Variants in EPB42 observed in about 807,000 individuals in gnomAD.
EPB42 encodes the protein protein 4.2.
Under a neutral mutation model 76.9 loss-of-function variants are expected in EPB42, and 49 were observed. The ratio of observed to expected loss-of-function variants is 0.64; its 90% CI spans 0.51 to 0.81. EPB42 has a LOEUF of 0.81. Among genes scored for constraint, EPB42 ranks in the 30% least tolerant of loss-of-function variants. The probability of loss-of-function intolerance (pLI) is 0.00; values close to 1 mark genes in which losing one functional copy is unlikely to be tolerated. For missense variants in EPB42, 731 were observed against 867.6 expected (o/e 0.84, Z 1.98); for synonymous variants, 310 against 338.4 (o/e 0.92, Z 0.92).
Position 43,203,105 on chromosome 15 carries a change from T to A in EPB42, c.1779+10A>T. ...AGACGAGGGCAACTCAGGGGAGGACTGGTGCCTACCTTGATGGCAAGGTGT... is the reference window on the plus strand; with the variant it reads ...AGACGAGGGCAACTCAGGGGAGGACAGGTGCCTACCTTGATGGCAAGGTGT... On this transcript the variant is annotated intron_variant, in intron 11 of 12. Transcript: ENST00000441366. 6.2e-7 allele frequency: 1 copy of A among 1,614,076 alleles called. No individual in the cohort carries two copies. The highest frequency in any genetic ancestry group is 8.5e-7 in the Non-Finnish European group (1 of 1,179,984).
intron 6 of EPB42, among the ~76,000 whole-genome samples, 192 bp downstream of exon 6, chr15:43,209,082 C>A (rs935949281): frequency 5.3e-5 from 8 of 152,142 alleles, no homozygotes; most frequent in African/African-American, 1.9e-4. Flanking sequence ...TGCAAATGAG[C>A]CCAACTTTGC....
At chr15:43,219,383 T>C (rs1211913595) in intron 1 of EPB42, among the ~76,000 whole-genome samples, 1 of 152,236 alleles carries the variant, frequency 6.6e-6, no homozygotes, top group Admixed American at 6.5e-5. Flanking sequence ...TAATAATGCC[T>C]GTGTTTAAGA....
At chr15:43,224,068 G>C (rs2042486568), upstream of EPB42, among the ~76,000 whole-genome samples, 1 of 152,138 alleles carries the variant, frequency 6.6e-6, no homozygotes, top group African/African-American at 2.4e-5. Flanking sequence ...AGACTGGGTG[G>C]CTTAAACAAC....
At chr15:43,222,696 A>G (rs2142337336), upstream of EPB42, among the ~76,000 whole-genome samples, 1 of 152,366 alleles carries the variant, frequency 6.6e-6, no homozygotes, top group Non-Finnish European at 1.5e-5. Context: ...TGAAAAGTCC[A>G]TAGATCAAAA....
chr15:43,209,217 G>C, intron 6 of EPB42, 57 bp downstream of exon 6: 7 of 1,597,444 alleles, frequency 4.4e-6, no homozygotes, highest in Non-Finnish European at 5.1e-6. Context: ...TTCCCACATG[G>C]GAGGCCAGGG....
chr15:43,223,028 G>T (rs577012502), upstream of EPB42, among the ~76,000 whole-genome samples: 1 of 152,286 alleles, frequency 6.6e-6, no homozygotes, highest in South Asian at 2.1e-4. Context: ...AATGTTAAAA[G>T]ATATGCAGAT....
Position 43,203,019 on chromosome 15 carries a change from G to A in EPB42, c.1779+96C>T. On this transcript the variant is annotated intron_variant, in intron 11 of 12. Transcript: ENST00000441366. ...TGTAGCATTTTCTGGTAATCTTGCA[G>A]CACAGTCATCTGCTCTGAAGGGGCC... 4.1e-6 allele frequency: 6 copies of A among 1,463,432 alleles called. No individual in the cohort carries two copies. The East Asian group carries it at 1.1e-4, about 28-fold the overall frequency. The allele number at this position is 1,463,432 out of a possible 1,614,324, so 90.7% of individuals were successfully genotyped here.
chr15:43,207,391 G>A lies in EPB42; in HGVS notation c.1126C>T (p.Leu376=). The A allele has an allele frequency of 6.2e-7, 1 of 1,614,200 alleles. No homozygotes were observed. Among genetic ancestry groups the A allele is most frequent in the Non-Finnish European group, 8.5e-7 (1 of 1,180,038 alleles). The part of the protein sequence containing the change: ...VPVRAVKEGT[L]GLTPAVSDLF... ...TCTGACACTGCTGGGGTCAGCCCCA[G>A]CGTCCCCTCCTTGACTGCTCTGACC... Residue 376 remains leucine (L), a synonymous_variant, in exon 9 of 13, where the codon CTG becomes TTG. Coordinates refer to ENST00000441366, the MANE Select transcript of EPB42 (RefSeq NM_001114134.2).
At chr15:43,210,792 G>A (rs938162124) in intron 4 of EPB42, among the ~76,000 whole-genome samples, 4 of 152,294 alleles carry the variant, frequency 2.6e-5, no homozygotes, top group Middle Eastern at 3.4e-3. Flanking sequence ...GCCCTGAACC[G>A]GGAGTGGAGG....
chr15:43,216,582 C>T (rs946007614), intron 1 of EPB42, 129 bp from the exon 2 acceptor site: 4 of 971,424 alleles, frequency 4.1e-6, no homozygotes, highest in Admixed American at 2.1e-5. Flanking sequence ...CTGCGCAATC[C>T]CAGGCAAGTA....
chr15:43,207,313 C>A lies in EPB42; in HGVS notation c.1204G>T (p.Gly402Trp). The A allele has an allele frequency of 6.2e-7, 1 of 1,614,200 alleles. No homozygotes were observed. Among genetic ancestry groups the A allele is most frequent in the South Asian group, 1.1e-5 (1 of 91,086 alleles). The change falls in exon 9 of 13, where the codon GGG becomes TGG. Residue 402 changes from glycine to tryptophan, a missense_variant. Physicochemically the swap from Gly to Trp is radical, Grantham distance 184. Coordinates refer to ENST00000441366, the MANE Select transcript of EPB42 (RefSeq NM_001114134.2). ...TTGGAGTCAGTCAACTCCAGTGTCC[C>A]ATCCTCACAGCACTTCCAGACCACA... is the stretch of plus-strand genomic sequence containing the variant. ...SCVVWKCCED[G>W]TLELTDSNTK...
At chr15:43,210,729 G>A (rs919345122) in intron 4 of EPB42, among the ~76,000 whole-genome samples, 3 of 152,124 alleles carry the variant, frequency 2.0e-5, no homozygotes, top group Non-Finnish European at 4.4e-5. Context: ...GTACTGTTTC[G>A]TTTCATTGCA....
chr15:43,218,951 T>C (rs1015861282), intron 1 of EPB42, among the ~76,000 whole-genome samples: 4 of 152,238 alleles, frequency 2.6e-5, no homozygotes, highest in African/African-American at 9.6e-5. Context: ...TCATGTGGAA[T>C]GCTCTTCAGA....
Position 43,207,407 on chromosome 15 carries a change from T to C in EPB42, c.1110A>G (p.Ala370=). ...LGSCDLVPVR[A]VKEGTLGLTP... ...TCAGCCCCAGCGTCCCCTCCTTGAC[T>C]GCTCTGACCGGCACCAGATCACAGG... Residue 370 remains alanine, a synonymous_variant, in exon 9 of 13, where the codon GCA becomes GCG. Coordinates refer to ENST00000441366, the MANE Select transcript of EPB42 (RefSeq NM_001114134.2). 6.2e-7 allele frequency: 1 copy of C among 1,614,084 alleles called. No individual in the cohort carries two copies. The highest frequency in any genetic ancestry group is 8.5e-7 in the Non-Finnish European group (1 of 1,180,026).
At chr15:43,217,705 C>T (rs919429690) in intron 1 of EPB42, among the ~76,000 whole-genome samples, 4 of 152,134 alleles carry the variant, frequency 2.6e-5, no homozygotes, top group African/African-American at 9.7e-5. Context: ...GGCTTTTGCT[C>T]ACAGGTATGA....
At chr15:43,223,119 C>T (rs2042477342), upstream of EPB42, among the ~76,000 whole-genome samples, 2 of 152,230 alleles carry the variant, frequency 1.3e-5, no homozygotes, top group East Asian at 1.9e-4. Context: ...AGTTTGAGAC[C>T]AGCCTGGCCA....
intron 11 of EPB42, among the ~76,000 whole-genome samples, chr15:43,202,210 AG>A (rs2042137047): frequency 6.6e-6 from 1 of 152,078 alleles, no homozygotes; most frequent in African/African-American, 2.4e-5. Context: ...GACCCCTTGG[AG>A]GGTTTCCCAC....
At chr15:43,212,164 T>TCAAG (rs2042308570) in intron 3 of EPB42, among the ~76,000 whole-genome samples, 1 of 151,988 alleles carries the variant, frequency 6.6e-6, no homozygotes, top group African/African-American at 2.4e-5. Flanking sequence ...GGTCAGGAGA[T>TCAAG]CAAGACCAGC....
At chr15:43,220,109 G>A (rs2042435357) in intron 1 of EPB42, among the ~76,000 whole-genome samples, 2 of 152,078 alleles carry the variant, frequency 1.3e-5, no homozygotes, top group South Asian at 4.2e-4. Context: ...GCAGGGGAGT[G>A]AGGCAGTTTC....
Sources: allele counts gnomAD v4.1 joint callset (sites outside exome capture counted in the v4.1 genomes callset), GRCh38; gene constraint gnomAD v4.1.1; transcripts MANE v1.5; gene names NCBI Gene and HGNC (gene_info 2026-07-23, HGNC 2026-07-21).